Variants in ZNF841 observed in about 807,000 individuals in gnomAD.
ZNF841 encodes zinc finger protein 841, also known as TCONS_00006091.
A neutral mutation model predicts 13.0 loss-of-function variants in ZNF841; 11 were observed. That is an observed-to-expected ratio of 0.85 (90% confidence interval 0.53 to 1.40). The LOEUF is 1.40. ZNF841 is among the 40% of genes most tolerant of loss of function. ZNF841 has a pLI of 0.00. For synonymous variants in ZNF841, 369 were observed against 381.6 expected, an observed-to-expected ratio of 0.97 and a Z score of 0.38; for missense variants, 1,068 against 1,139.5, an observed-to-expected ratio of 0.94 and a Z score of 0.90.
In ZNF841 at chr19:52,067,655, G is replaced by A. The variant is rs765985593; in HGVS notation, c.272-45C>T. 5 of 1,307,684 alleles carry A rather than the reference G, an allele frequency of 3.8e-6. No individual in the cohort carries two copies. The East Asian group carries it at 1.3e-4, about 33-fold the overall frequency. The allele number at this position is 1,307,684 out of a possible 1,614,324, so 81.0% of individuals were successfully genotyped here. On this transcript the variant is annotated intron_variant, in intron 6 of 6. Transcript: ENST00000594440. ...TGGGGTTTTAAAATAACTATTATTG[G>A]TAAATATTATTTTATACTGAAAACA...
At chr19:52,094,320 T>C (rs1359642836) in intron 1 of ZNF841, among the ~76,000 whole-genome samples, 8 of 152,198 alleles carry the variant, frequency 5.3e-5, no homozygotes, top group Non-Finnish European at 2.9e-5. Context: ...CCACCATCCA[T>C]ATCCAATCAA....
In ZNF841 at chr19:52,066,518, G is replaced by T; in HGVS notation, c.1364C>A (p.Thr455Lys). 1.2e-6 allele frequency: 2 copies of T among 1,612,794 alleles called. No individual in the cohort carries two copies. The highest frequency in any genetic ancestry group is 1.1e-5 in the South Asian group (1 of 90,982). ...GCCACATTCATTACATTTGTAAGGT[G>T]TCTCTCCAGTATGAATTATCTGGTG... is the stretch of plus-strand genomic sequence containing the variant. ...VRHQIIHTGE[T>K]PYKCNECGKV... Residue 455 changes from threonine (T) to lysine (K), a missense_variant, in exon 7 of 7, where the codon ACA (threonine) becomes AAA (lysine). Coordinates refer to ENST00000594440, the MANE Select transcript of ZNF841 (RefSeq NM_001136499.2).
intron 4 of ZNF841, among the ~76,000 whole-genome samples, chr19:52,081,587 T>A (rs966443712): frequency 2.0e-5 from 3 of 152,232 alleles, no homozygotes; most frequent in African/African-American, 7.2e-5. Context: ...GCACCGTGGC[T>A]CACGCCTGTA....
At chr19:52,085,111 C>T (rs2088227114) in intron 3 of ZNF841, among the ~76,000 whole-genome samples, 1 of 152,116 alleles carries the variant, frequency 6.6e-6, no homozygotes, top group Non-Finnish European at 1.5e-5. Flanking sequence ...GGGAGCTGGG[C>T]TGGACTATGC....
At chr19:52,069,538 T>C (rs1246917411) in intron 6 of ZNF841, among the ~76,000 whole-genome samples, 1 of 152,170 alleles carries the variant, frequency 6.6e-6, no homozygotes, top group East Asian at 1.9e-4. Context: ...TATAAAGACT[T>C]ATGTCTGCCA....
intron 1 of ZNF841, among the ~76,000 whole-genome samples, chr19:52,094,716 T>C (rs1328695253): frequency 3.3e-5 from 5 of 152,094 alleles, no homozygotes; most frequent in East Asian, 3.9e-4. Context: ...TCTCCCTCTC[T>C]TTCAGTCCCA....
Position 52,066,356 on chromosome 19 carries a change from C to G in ZNF841, c.1526G>C (p.Gly509Ala), listed in dbSNP as rs1370825489. ...TTCATTACATTTGTAAGGTTTCTCT[C>G]CAGTATGAACTCTCTGATGCACTGC... is the stretch of plus-strand genomic sequence containing the variant. ...HLAVHQRVHTGEKPYKCNECG... is the reference protein window; with the variant it reads ...HLAVHQRVHTAEKPYKCNECG... Residue 509 changes from glycine (G) to alanine (A), a missense_variant, in exon 7 of 7, where the codon GGA becomes GCA. Transcript: ENST00000594440. 1 of 1,613,968 alleles carries G rather than the reference C, an allele frequency of 6.2e-7. No individual in the cohort carries two copies. Among genetic ancestry groups the G allele is most frequent in the Non-Finnish European group, 8.5e-7 (1 of 1,179,982 alleles).
At chr19:52,082,370 A>G (rs2088128407) in intron 4 of ZNF841, among the ~76,000 whole-genome samples, 1 of 152,254 alleles carries the variant, frequency 6.6e-6, no homozygotes, top group Non-Finnish European at 1.5e-5. Context: ...CTATTATGAC[A>G]TTTATAATCT....
At chr19:52,090,703 G>GAAAGAAAGAAAGAA (rs2088462752) in intron 2 of ZNF841, among the ~76,000 whole-genome samples, 1 of 150,030 alleles carries the variant, frequency 6.7e-6, no homozygotes, top group Non-Finnish European at 1.5e-5. Context: ...AAGAAAGAAA[G>GAAAGAAAGAAAGAA]AAAGAGAAAG....
chr19:52,064,241 G>C (rs148443383), downstream of ZNF841, among the ~76,000 whole-genome samples: 2,836 of 151,648 alleles, frequency 0.019, 73 homozygotes, highest in African/African-American at 0.065. Flanking sequence ...AGCTACTCGG[G>C]AGGCTGAGGC....
downstream of ZNF841, among the ~76,000 whole-genome samples, chr19:52,062,871 A>G (rs1042063726): frequency 2.5e-5 from 3 of 120,142 alleles, no homozygotes; most frequent in African/African-American, 9.5e-5. Flanking sequence ...CTGTTGAGAA[A>G]TTTTTTTTTT....
At position 52,077,004 on chromosome 19, in the gene ZNF841, CA is replaced by C; in HGVS notation, c.95del (p.Leu32CysfsTer5). 1 of 1,613,452 alleles carries C rather than the reference CA, an allele frequency of 6.2e-7. No homozygotes were observed. The highest frequency in any genetic ancestry group is 2.2e-5 in the East Asian group (1 of 44,850). On this transcript the variant is annotated frameshift_variant, in exon 5 of 7. Transcript: ENST00000594440. LOFTEE classifies it high-confidence loss of function. The part of the protein sequence containing the change: ...WKCLDPVQKA[L>X]YRDVMLENYR... ...AGTTCTCCAACATCACGTCCCTGTA[CA>C]AAGCTTTCTGAACAGGGTCCAGGCA...
At chr19:52,067,668 T>C (rs762014018) in intron 6 of ZNF841, 58 bp from the exon 7 acceptor site, 79 of 1,246,262 alleles carry the variant, frequency 6.3e-5, no homozygotes, top group Non-Finnish European at 8.3e-5. Flanking sequence ...AATATTATTT[T>C]ATACTGAAAA....
At chr19:52,076,556 G>A (rs114662684) in intron 5 of ZNF841, among the ~76,000 whole-genome samples, 101 of 151,136 alleles carry the variant, frequency 6.7e-4, no homozygotes, top group African/African-American at 2.4e-3. Context: ...AAGGTGGGAG[G>A]ATGGCTTTAT....
chr19:52,068,809 A>G (rs2087661671), intron 6 of ZNF841, among the ~76,000 whole-genome samples: 1 of 152,114 alleles, frequency 6.6e-6, no homozygotes, highest in South Asian at 2.1e-4. Context: ...CATCTCTACT[A>G]AAAATATAAA....
At chr19:52,062,871 A>ATTTTT (rs34996737), downstream of ZNF841, among the ~76,000 whole-genome samples, 4 of 120,138 alleles carry the variant, frequency 3.3e-5, no homozygotes, top group Non-Finnish European at 6.7e-5. Flanking sequence ...CTGTTGAGAA[A>ATTTTT]TTTTTTTTTT....
intron 4 of ZNF841, among the ~76,000 whole-genome samples, chr19:52,083,012 G>A (rs148721552): frequency 0.016 from 2,444 of 151,686 alleles, 74 homozygotes; most frequent in African/African-American, 0.056. Context: ...CCCGGGAGGC[G>A]GAGTTTGCAG....
chr19:52,074,588 C>T (rs2087836851), intron 6 of ZNF841, among the ~76,000 whole-genome samples: 1 of 152,114 alleles, frequency 6.6e-6, no homozygotes, highest in Non-Finnish European at 1.5e-5. Context: ...GCAATCTCAG[C>T]TCACTACAAC....
rs557305204 is a variant in ZNF841, at chr19:52,076,434, G to A, written c.143-262C>T. 65 of 359,838 alleles carry A rather than the reference G, an allele frequency of 1.8e-4. 1 individual carries two copies. Among genetic ancestry groups the A allele is most frequent in the Admixed American group, 9.5e-4 (25 of 26,392 alleles). The allele number at this position is 359,838 out of a possible 1,614,324, so 22.3% of individuals were successfully genotyped here. ...TCTCAGCACTTTGGGAGGCCAAGAC[G>A]GGAAGATGACTTGAGCACAGGAGTT... On this transcript the variant is annotated intron_variant, in intron 5 of 6. Transcript: ENST00000594440.
Sources: allele counts gnomAD v4.1 joint callset (sites outside exome capture counted in the v4.1 genomes callset), GRCh38; gene constraint gnomAD v4.1.1; transcripts MANE v1.5; gene names NCBI Gene and HGNC (gene_info 2026-07-23, HGNC 2026-07-21).